The following FOXN3 variants were observed in gnomAD, a reference collection of about 807,000 sequenced individuals.
FOXN3 encodes the protein forkhead box N3.
FOXN3 carries 7 observed loss-of-function variants against 38.4 expected under a neutral mutation model. The ratio of observed to expected loss-of-function variants is 0.18; its 90% confidence interval spans 0.10 to 0.34. The LOEUF is 0.34. Ranked by LOEUF, FOXN3 falls within the 10% of genes least tolerant of loss-of-function variation. FOXN3 has a pLI of 1.00. For synonymous variants in FOXN3, 230 were observed against 242.2 expected (o/e 0.95, Z 0.47); for missense variants, 456 against 613.4 (o/e 0.74, Z 2.71).
intron 1 of FOXN3, among the ~76,000 whole-genome samples, chr14:89,447,090 G>A (rs1892517371): frequency 6.6e-6 from 1 of 151,978 alleles, no homozygotes; most frequent in African/African-American, 2.4e-5. Context: ...CAGCTACTGG[G>A]GAGGCTGAGG....
intron 4 of FOXN3, among the ~76,000 whole-genome samples, chr14:89,186,744 T>C (rs917621846): frequency 1.3e-5 from 2 of 152,218 alleles, no homozygotes; most frequent in African/African-American, 4.8e-5. Flanking sequence ...GCACAGCGGA[T>C]GCTGCCAGGA....
chr14:89,326,554 G>A (rs1888087952), intron 3 of FOXN3, among the ~76,000 whole-genome samples: 1 of 152,188 alleles, frequency 6.6e-6, no homozygotes, highest in African/African-American at 2.4e-5. Flanking sequence ...AATGAATTTT[G>A]TGATAGAAAA....
intron 1 of FOXN3, among the ~76,000 whole-genome samples, chr14:89,434,436 G>T (rs544918900): frequency 1.3e-5 from 2 of 151,974 alleles, no homozygotes; most frequent in African/African-American, 4.8e-5. Flanking sequence ...CACTGTGCTG[G>T]TCAAGCTGGT....
chr14:89,160,107 T>A lies in FOXN3; in HGVS notation c.*2307A>T, dbSNP rs1195792333. The A allele has an allele frequency of 2.0e-5, 3 of 152,178 alleles. No homozygotes were observed. Among genetic ancestry groups the A allele is most frequent in the Non-Finnish European group, 4.4e-5 (3 of 68,044 alleles). The allele number at this position is 152,178 out of a possible 1,614,324, so 9.4% of individuals were successfully genotyped here. A position where few individuals can be genotyped will look rare whatever the true frequency, so the allele number is the denominator to read the frequency against. On this transcript the variant is annotated 3_prime_UTR_variant, in exon 6 of 6. Coordinates refer to ENST00000557258, the MANE Select transcript of FOXN3 (RefSeq NM_005197.4). ...GTTAAGGTCATCTCTGTTCCCTCCC[T>A]CTCCTCACGCATCATATCCTGAGCC... is the stretch of plus-strand genomic sequence containing the variant.
At chr14:89,272,265 A>G (rs1390467163) in intron 4 of FOXN3, among the ~76,000 whole-genome samples, 1 of 152,052 alleles carries the variant, frequency 6.6e-6, no homozygotes, top group Admixed American at 6.5e-5. Context: ...GTGAGCTGAG[A>G]TCGCACCACT....
upstream of FOXN3, chr14:89,417,730 G>C: frequency 2.2e-6 from 1 of 456,006 alleles, no homozygotes; most frequent in South Asian, 1.5e-5. Flanking sequence ...TCTCCCCAGT[G>C]CTGCGTCCTG....
At chr14:89,616,571 G>T (rs1896498911) in intron 1 of FOXN3, among the ~76,000 whole-genome samples, 1 of 117,290 alleles carries the variant, frequency 8.5e-6, no homozygotes, top group East Asian at 2.9e-4. Context: ...AATGCCACCA[G>T]TCTGTAAGTT....
At chr14:89,423,821 TA>T (rs1224838481) in intron 1 of FOXN3, among the ~76,000 whole-genome samples, 1 of 152,164 alleles carries the variant, frequency 6.6e-6, no homozygotes, top group Non-Finnish European at 1.5e-5. Context: ...CAAAACAAAT[TA>T]AAATTTCAGT....
chr14:89,372,752 A>G (rs1890359888), intron 2 of FOXN3, among the ~76,000 whole-genome samples: 1 of 152,094 alleles, frequency 6.6e-6, no homozygotes, highest in Admixed American at 6.6e-5. Flanking sequence ...CAAACCTACA[A>G]GATATAAAAC....
At chr14:89,321,622 C>T (rs1887899908) in intron 3 of FOXN3, among the ~76,000 whole-genome samples, 1 of 152,136 alleles carries the variant, frequency 6.6e-6, no homozygotes, top group South Asian at 2.1e-4. Flanking sequence ...ATTCTGATCA[C>T]ACTTCCCATT....
chr14:89,190,774 A>G (rs2296180), intron 4 of FOXN3, among the ~76,000 whole-genome samples: 121,332 of 152,090 alleles, frequency 0.8, 48,501 homozygotes, highest in African/African-American at 0.81. Flanking sequence ...CCGTGGGGTG[A>G]GGAGCAGGAG....
upstream of FOXN3, among the ~76,000 whole-genome samples, chr14:89,421,888 ATTAAT>A (rs1383471837): frequency 6.6e-6 from 1 of 151,832 alleles, no homozygotes; most frequent in Non-Finnish European, 1.5e-5. Context: ...ACATATATAC[ATTAAT>A]TTATTTGACA....
At chr14:89,449,834 G>C (rs1892579226) in intron 1 of FOXN3, among the ~76,000 whole-genome samples, 2 of 152,186 alleles carry the variant, frequency 1.3e-5, no homozygotes, top group Admixed American at 6.5e-5. Flanking sequence ...CCTCTAGGAA[G>C]GGGGAGCTCA....
chr14:89,403,488 C>T (rs1191900863), intron 2 of FOXN3, among the ~76,000 whole-genome samples: 2 of 152,344 alleles, frequency 1.3e-5, no homozygotes, highest in East Asian at 1.9e-4. Flanking sequence ...GCGTGAGCCA[C>T]CACGCCCAGC....
At chr14:89,365,552 T>C (rs1471648469) in intron 2 of FOXN3, among the ~76,000 whole-genome samples, 2 of 152,190 alleles carry the variant, frequency 1.3e-5, no homozygotes, top group Non-Finnish European at 2.9e-5. Flanking sequence ...TCCAACTAAA[T>C]CTTAGGATCC....
At chr14:89,513,933 C>T (rs904037191) in intron 1 of FOXN3, among the ~76,000 whole-genome samples, 13 of 151,418 alleles carry the variant, frequency 8.6e-5, no homozygotes, top group South Asian at 4.2e-4. Context: ...CACACACGCA[C>T]GCACACACGC....
At chr14:89,349,185 A>G (rs893521280) in intron 3 of FOXN3, among the ~76,000 whole-genome samples, 1 of 152,146 alleles carries the variant, frequency 6.6e-6, no homozygotes, top group African/African-American at 2.4e-5. Context: ...CTCCACTCCA[A>G]TCCTGGTTCT....
chr14:89,434,067 G>A (rs994346397), intron 1 of FOXN3, among the ~76,000 whole-genome samples: 3 of 151,128 alleles, frequency 2.0e-5, no homozygotes, highest in African/African-American at 4.9e-5. Context: ...GGTATTACAG[G>A]TGCCTGCCAC....
chr14:89,345,579 T>A (rs1004971191), intron 3 of FOXN3, among the ~76,000 whole-genome samples: 1 of 152,178 alleles, frequency 6.6e-6, no homozygotes, highest in Non-Finnish European at 1.5e-5. Flanking sequence ...TTTAGTGCAC[T>A]TGTCACCCCA....
Sources: allele counts gnomAD v4.1 joint callset (sites outside exome capture counted in the v4.1 genomes callset), GRCh38; gene constraint gnomAD v4.1.1; transcripts MANE v1.5; gene names NCBI Gene and HGNC (gene_info 2026-07-23, HGNC 2026-07-21).